Variants in SMIM36 observed in about 807,000 individuals in gnomAD.
SMIM36 encodes the protein small integral membrane protein 36.
At position 55,501,707 on chromosome 17, in the gene SMIM36, A is replaced by G. The variant is rs541230992; in HGVS notation, c.*174+9172T>C. ...GTGTTTATATATAGTCCCATGAAAT[A>G]CATACATTCGGGGAGGAGCCAAGAT... On this transcript the variant is annotated intron_variant, in intron 1 of 4. Coordinates refer to ENST00000636752, the Ensembl canonical transcript of SMIM36. Among the ~76,000 whole-genome samples the G allele has an allele frequency of 2.7e-5, 4 of 150,216 alleles. No individual in the cohort carries two copies. The South Asian group carries it at 8.3e-4, about 31-fold the overall frequency.
chr17:55,501,893 A>AGGGTG (rs71159297), intron 1 of SMIM36, among the ~76,000 whole-genome samples: 2 of 136,424 alleles, frequency 1.5e-5, no homozygotes, highest in Admixed American at 7.3e-5. Context: ...GAGCCGAAGC[A>AGGGTG]AGGCATTGCC....
At chr17:55,510,806 CTTCATTATACTACAGCATTGCTGACAG>C in intron 1 of SMIM36, 46 bp downstream of exon 1, 1 of 279,188 alleles carries the variant, frequency 3.6e-6, no homozygotes, top group Non-Finnish European at 6.7e-6. Context: ...CAGTAACCAA[CTTCATTATACTACAGCATTGCTGACAG>C]TTTGCATTTG....
At chr17:55,524,040 C>T in the SMIM36 span, among the ~76,000 whole-genome samples, 19 of 152,016 alleles carry the variant, frequency 1.2e-4, no homozygotes, top group South Asian at 4.0e-3. Flanking sequence ...ACCTTAGTAC[C>T]TAATAGTTAT....
rs186994766 is a variant in SMIM36, at chr17:55,462,124, T to A, written c.*531+5021A>T. Among the ~76,000 whole-genome samples the A allele has an allele frequency of 1.8e-4, 27 of 152,350 alleles. No individual in the cohort carries two copies. The East Asian group carries it at 4.8e-3, about 27-fold the overall frequency. ...GGAAAGTGTATGGCCTTGGATTAAA[T>A]CTTGGTTTTAGATGGATAGACTTGG... is the stretch of plus-strand genomic sequence containing the variant. On this transcript the variant is annotated intron_variant, in intron 4 of 4. Coordinates refer to ENST00000636752, the Ensembl canonical transcript of SMIM36.
intron 1 of SMIM36, among the ~76,000 whole-genome samples, chr17:55,507,338 A>G (rs931472947): frequency 7.2e-6 from 1 of 138,026 alleles, no homozygotes; most frequent in Admixed American, 7.3e-5. Context: ...CAAATGTCCA[A>G]CAACGATAGA....
chr17:55,460,123 C>T (rs1327219445), intron 4 of SMIM36, among the ~76,000 whole-genome samples: 3 of 152,078 alleles, frequency 2.0e-5, no homozygotes, highest in Non-Finnish European at 2.9e-5. Flanking sequence ...AACTCATCAT[C>T]CATAGATCTT....
intron 1 of SMIM36, among the ~76,000 whole-genome samples, chr17:55,482,304 T>TCCCCA (rs1909534384): frequency 6.6e-6 from 1 of 152,106 alleles, no homozygotes; most frequent in South Asian, 2.1e-4. Context: ...CACAACATCC[T>TCCCCA]CCCCACCTTT....
At chr17:55,487,533 AG>A (rs948007187) in intron 1 of SMIM36, among the ~76,000 whole-genome samples, 10 of 152,132 alleles carry the variant, frequency 6.6e-5, no homozygotes, top group African/African-American at 1.9e-4. Context: ...AGGCTAAAAA[AG>A]GGGAGGGTTT....
chr17:55,496,025 T>C (rs1909800751), intron 1 of SMIM36, among the ~76,000 whole-genome samples: 1 of 152,188 alleles, frequency 6.6e-6, no homozygotes, highest in South Asian at 2.1e-4. Context: ...CATTTTTGTC[T>C]CCAAAATTCT....
chr17:55,526,599 T>C, the SMIM36 span, among the ~76,000 whole-genome samples: 1 of 152,198 alleles, frequency 6.6e-6, no homozygotes, highest in Non-Finnish European at 1.5e-5. Context: ...ACCATGACCA[T>C]GTGTAAGTCT....
At chr17:55,456,838 G>A (rs1598446196) in intron 4 of SMIM36, among the ~76,000 whole-genome samples, 1 of 152,180 alleles carries the variant, frequency 6.6e-6, no homozygotes, top group East Asian at 1.9e-4. Flanking sequence ...GTCACCCTTG[G>A]TGTTAAATCT....
At chr17:55,482,177 T>C (rs1252291913) in intron 1 of SMIM36, among the ~76,000 whole-genome samples, 1 of 152,218 alleles carries the variant, frequency 6.6e-6, no homozygotes, top group East Asian at 1.9e-4. Context: ...TTTCTAAAAT[T>C]GCAGAGAAAG....
intron 3 of SMIM36, among the ~76,000 whole-genome samples, chr17:55,469,102 T>C: frequency 6.7e-6 from 1 of 150,026 alleles, no homozygotes; most frequent in East Asian, 2.0e-4. Flanking sequence ...AATCCTCCTT[T>C]TCTACAGACA....
chr17:55,466,004 G>C (rs1014539457), intron 4 of SMIM36, among the ~76,000 whole-genome samples: 1 of 152,126 alleles, frequency 6.6e-6, no homozygotes, highest in African/African-American at 2.4e-5. Context: ...GCAGGGCATG[G>C]TGGCTCACCA....
At chr17:55,514,052 G>A (rs1309452657), upstream of SMIM36, among the ~76,000 whole-genome samples, 1 of 152,118 alleles carries the variant, frequency 6.6e-6, no homozygotes, top group Non-Finnish European at 1.5e-5. Flanking sequence ...TCTCATGAAG[G>A]CTTCACTTCC....
chr17:55,461,251 T>A (rs1370332200), intron 4 of SMIM36, among the ~76,000 whole-genome samples: 1 of 152,182 alleles, frequency 6.6e-6, no homozygotes, highest in African/African-American at 2.4e-5. Context: ...CAAAGCATTG[T>A]CCTATTTTTC....
At chr17:55,468,952 G>A (rs1476865715) in intron 3 of SMIM36, among the ~76,000 whole-genome samples, 3 of 152,102 alleles carry the variant, frequency 2.0e-5, no homozygotes, top group South Asian at 2.1e-4. Context: ...TGGGCAAATG[G>A]TCTGAGGTGC....
upstream of SMIM36, among the ~76,000 whole-genome samples, chr17:55,516,247 C>A (rs1272372476): frequency 6.6e-6 from 1 of 152,212 alleles, no homozygotes; most frequent in Non-Finnish European, 1.5e-5. Flanking sequence ...TTGGTTCTCC[C>A]TCTCCTTCCC....
the SMIM36 span, among the ~76,000 whole-genome samples, chr17:55,529,197 A>G: frequency 6.6e-6 from 1 of 152,258 alleles, no homozygotes; most frequent in African/African-American, 2.4e-5. Context: ...CTCTTGCTGC[A>G]GTATAAAAGA....
Sources: gnomAD v4.1 joint callset for allele counts (sites outside exome capture counted in the v4.1 genomes callset) on GRCh38, gnomAD v4.1.1 for gene constraint, MANE v1.5 for transcripts, NCBI Gene and HGNC (gene_info 2026-07-23, HGNC 2026-07-21) for gene names.